The following DNER variants were observed in gnomAD, a reference collection of about 807,000 sequenced individuals.
The protein encoded by DNER is delta/notch like EGF repeat containing.
Under a neutral mutation model 78.2 loss-of-function variants are expected in DNER, and 33 were observed. The observed-to-expected ratio is 0.42, with a 90% CI of 0.32 to 0.56. The LOEUF (loss-of-function observed/expected upper bound fraction) is 0.56, where lower values mean the gene tolerates loss of function less well. Among genes scored for constraint, DNER ranks in the 20% least tolerant of loss-of-function variants. The pLI is 0.11. For synonymous variants in DNER, 417 were observed against 384.8 expected (o/e 1.08, Z -0.98); for missense variants, 918 against 975.3 (o/e 0.94, Z 0.78).
intron 10 of DNER, among the ~76,000 whole-genome samples, chr2:229,389,555 T>C (rs544795072): frequency 1.3e-5 from 2 of 152,174 alleles, no homozygotes; most frequent in Non-Finnish European, 2.9e-5. Context: ...CTAAAGCATA[T>C]GGACAAAATC....
chr2:229,699,996 G>C (rs1034155437), intron 1 of DNER, among the ~76,000 whole-genome samples: 1 of 151,670 alleles, frequency 6.6e-6, no homozygotes, highest in Non-Finnish European at 1.5e-5. Context: ...TTAACAACAA[G>C]CCATTACGAA....
chr2:229,687,186 A>T (rs1699496618), intron 1 of DNER, among the ~76,000 whole-genome samples: 1 of 151,770 alleles, frequency 6.6e-6, no homozygotes, highest in Non-Finnish European at 1.5e-5. Flanking sequence ...ACTTGAAAAC[A>T]TTTAGGTGTT....
chr2:229,433,282 C>T (rs1694054737), intron 8 of DNER, among the ~76,000 whole-genome samples: 1 of 152,202 alleles, frequency 6.6e-6, no homozygotes, highest in African/African-American at 2.4e-5. Flanking sequence ...GCGCGTTTAA[C>T]TAATCCAACC....
intron 5 of DNER, among the ~76,000 whole-genome samples, chr2:229,541,120 G>A (rs1423165059): frequency 6.6e-6 from 1 of 152,210 alleles, no homozygotes; most frequent in Non-Finnish European, 1.5e-5. Flanking sequence ...CAGCAGGAAG[G>A]GGGAGATGAG....
At chr2:229,366,739 A>G in intron 12 of DNER, 134 bp downstream of exon 12, 1 of 1,379,896 alleles carries the variant, frequency 7.2e-7, no homozygotes, top group Non-Finnish European at 9.8e-7. Flanking sequence ...TCTATCCCCA[A>G]ATACAATGTG....
chr2:229,392,352 C>G (rs1198100468), intron 10 of DNER, among the ~76,000 whole-genome samples: 1 of 151,266 alleles, frequency 6.6e-6, no homozygotes, highest in Non-Finnish European at 1.5e-5. Context: ...GGAAATAAAA[C>G]AGCTGAGCAC....
intron 1 of DNER, among the ~76,000 whole-genome samples, chr2:229,685,491 G>T (rs1171887350): frequency 6.6e-6 from 1 of 152,156 alleles, no homozygotes; most frequent in African/African-American, 2.4e-5. Flanking sequence ...TTTAAATTAC[G>T]AAAGGTAAAA....
intron 8 of DNER, among the ~76,000 whole-genome samples, chr2:229,442,511 T>G (rs1694256871): frequency 1.1e-5 from 1 of 94,134 alleles, no homozygotes; most frequent in Admixed American, 1.0e-4. Flanking sequence ...CAACGCTCTG[T>G]CTTAAAAAAA....
At chr2:229,475,342 G>T (rs1042702512) in intron 7 of DNER, among the ~76,000 whole-genome samples, 2 of 152,168 alleles carry the variant, frequency 1.3e-5, no homozygotes, top group Non-Finnish European at 2.9e-5. Context: ...TGCCCTGCCT[G>T]CTTCCACCTG....
rs189038780 is a variant in DNER, at chr2:229,668,720, A to G, written c.276+45428T>C. 8.3e-4 allele frequency among the ~76,000 whole-genome samples: 126 copies of G among 151,588 alleles called. 2 individuals are homozygous for G. The East Asian group carries it at 0.024, about 28-fold the overall frequency. ...GAGATCATTAAAAAGTCAGGAAACA[A>G]CAGATGCTGGAGAGGATGTGGAAAA... On this transcript the variant is annotated intron_variant, in intron 1 of 12. Coordinates refer to ENST00000341772, the MANE Select transcript of DNER (RefSeq NM_139072.4).
At chr2:229,700,492 C>T (rs879681571) in intron 1 of DNER, among the ~76,000 whole-genome samples, 4 of 151,768 alleles carry the variant, frequency 2.6e-5, no homozygotes, top group East Asian at 1.9e-4. Flanking sequence ...TGTGCTACCA[C>T]ACTCAGCTAA....
chr2:229,491,198 A>T (rs188116153), intron 6 of DNER, among the ~76,000 whole-genome samples: 1 of 152,194 alleles, frequency 6.6e-6, no homozygotes, highest in Non-Finnish European at 1.5e-5. Context: ...TTCCTGCATC[A>T]TGACCTTTGC....
At chr2:229,535,710 C>T (rs1011582497) in intron 5 of DNER, among the ~76,000 whole-genome samples, 6 of 152,006 alleles carry the variant, frequency 3.9e-5, no homozygotes, top group Non-Finnish European at 8.8e-5. Flanking sequence ...GTGGCATGAT[C>T]TCGGCTCACT....
chr2:229,586,125 C>G, intron 3 of DNER, 101 bp from the exon 4 acceptor site: 2 of 1,376,566 alleles, frequency 1.5e-6, no homozygotes, highest in African/African-American at 2.9e-5. Context: ...GTATGTGCAT[C>G]TACCAAGGTA....
chr2:229,387,563 G>GAAAGAAAGAAAGA, intron 11 of DNER, among the ~76,000 whole-genome samples: 1 of 143,884 alleles, frequency 7.0e-6, no homozygotes, highest in Non-Finnish European at 1.5e-5. Flanking sequence ...AAGAAAGAAA[G>GAAAGAAAGAAAGA]AAAGAAAAGA....
chr2:229,377,921 A>C (rs1692644007), intron 11 of DNER, among the ~76,000 whole-genome samples: 1 of 152,190 alleles, frequency 6.6e-6, no homozygotes, highest in Admixed American at 6.5e-5. Context: ...TCCTAATGTG[A>C]TTAAATTGAG....
rs1259916500 is a variant in DNER at position 229,668,573 on chromosome 2, T to TATATATATAC, written c.276+45574_276+45575insGTATATATAT. Among the ~76,000 whole-genome samples the TATATATATAC allele has an allele frequency of 3.3e-3, 304 of 91,706 alleles. 5 individuals carry two copies. Among genetic ancestry groups the TATATATATAC allele is most frequent in the African/African-American group, 0.011 (187 of 16,966 alleles). 60.2% of individuals were successfully genotyped at this position (91,706 alleles called of 152,430 possible). A position where few individuals can be genotyped will look rare whatever the true frequency, so the allele number is the denominator to read the frequency against. On this transcript the variant is annotated intron_variant, in intron 1 of 12. Transcript: ENST00000341772. ...ATATATATATATATATATATATATA[T>TATATATATAC]ATATATAAAAGAAGACATTTATGTG... is the stretch of plus-strand genomic sequence containing the variant.
At chr2:229,638,023 T>C (rs542813033) in intron 1 of DNER, among the ~76,000 whole-genome samples, 1 of 152,376 alleles carries the variant, frequency 6.6e-6, no homozygotes, top group African/African-American at 2.4e-5. Context: ...ATCTGTGTTC[T>C]ATTCAGAGCT....
chr2:229,455,755 G>A (rs1194954263), intron 7 of DNER, among the ~76,000 whole-genome samples: 1 of 152,090 alleles, frequency 6.6e-6, no homozygotes, highest in African/African-American at 2.4e-5. Context: ...TTTGTTAATA[G>A]CAAACACTTG....
Sources: allele counts gnomAD v4.1 joint callset (sites outside exome capture counted in the v4.1 genomes callset), GRCh38; gene constraint gnomAD v4.1.1; transcripts MANE v1.5; gene names NCBI Gene and HGNC (gene_info 2026-07-23, HGNC 2026-07-21).